Variants in KHDRBS2 observed in about 807,000 individuals in gnomAD.
The protein encoded by KHDRBS2 is KH domain-containing, RNA-binding, signal transduction-associated protein 2.
A neutral mutation model predicts 44.3 loss-of-function variants in KHDRBS2; 26 were observed. That is an observed-to-expected ratio of 0.59 (90% confidence interval 0.43 to 0.81). KHDRBS2 has a LOEUF of 0.81. Ranked by LOEUF, KHDRBS2 falls within the 40% of genes least tolerant of loss-of-function variation. The probability of loss-of-function intolerance (pLI) is 0.00; values close to 1 mark genes in which losing one functional copy is unlikely to be tolerated. For synonymous variants in KHDRBS2, 194 were observed against 151.1 expected, an observed-to-expected ratio of 1.28 and a Z score of -2.08; for missense variants, 476 against 433.1, an observed-to-expected ratio of 1.10 and a Z score of -0.88.
chr6:62,007,010 C>T (rs1206686973), intron 3 of KHDRBS2, among the ~76,000 whole-genome samples: 7 of 151,944 alleles, frequency 4.6e-5, no homozygotes, highest in Non-Finnish European at 7.4e-5. Context: ...AAAACTTGTA[C>T]GTATGTGTGT....
chr6:61,924,941 C>T (rs1808693683), intron 4 of KHDRBS2, among the ~76,000 whole-genome samples: 2 of 152,002 alleles, frequency 1.3e-5, no homozygotes, highest in African/African-American at 2.4e-5. Flanking sequence ...GTAGGGTGGT[C>T]GGACATTCAT....
At chr6:61,794,901 C>T (rs868006072) in intron 6 of KHDRBS2, among the ~76,000 whole-genome samples, 20 of 151,948 alleles carry the variant, frequency 1.3e-4, no homozygotes, top group South Asian at 1.2e-3. Context: ...CACTTTGGAA[C>T]GCCAAGGCAG....
intron 2 of KHDRBS2, among the ~76,000 whole-genome samples, chr6:62,141,270 G>A (rs967554160): frequency 2.6e-5 from 4 of 152,082 alleles, no homozygotes; most frequent in African/African-American, 9.7e-5. Flanking sequence ...TGCTTTCTTC[G>A]TACAATGGGG....
At chr6:62,120,268 A>C (rs1199188209) in intron 2 of KHDRBS2, among the ~76,000 whole-genome samples, 2 of 152,168 alleles carry the variant, frequency 1.3e-5, no homozygotes, top group Non-Finnish European at 2.9e-5. Context: ...AGGCTTAGGA[A>C]CATAGGGATG....
At chr6:62,062,291 A>G (rs1353662692) in intron 2 of KHDRBS2, among the ~76,000 whole-genome samples, 1 of 147,826 alleles carries the variant, frequency 6.8e-6, no homozygotes, top group African/African-American at 2.5e-5. Context: ...ATAGACGTCT[A>G]CAGAACTTTC....
At chr6:62,257,062 C>G (rs1837507109) in intron 1 of KHDRBS2, among the ~76,000 whole-genome samples, 1 of 152,024 alleles carries the variant, frequency 6.6e-6, no homozygotes, top group Non-Finnish European at 1.5e-5. Flanking sequence ...AATGTAATTT[C>G]CATTTCACAA....
At chr6:62,082,790 A>T (rs1797652344) in intron 2 of KHDRBS2, among the ~76,000 whole-genome samples, 1 of 152,138 alleles carries the variant, frequency 6.6e-6, no homozygotes, top group Admixed American at 6.6e-5. Context: ...AATGAAGAAA[A>T]GCTTTCACGC....
chr6:61,915,179 C>G (rs907502009), intron 4 of KHDRBS2, among the ~76,000 whole-genome samples: 40 of 151,948 alleles, frequency 2.6e-4, no homozygotes, highest in Non-Finnish European at 4.7e-4. Context: ...GGAAGGATCA[C>G]TCTTAGGAAT....
the KHDRBS2 span, among the ~76,000 whole-genome samples, chr6:61,623,187 C>T: frequency 6.6e-6 from 1 of 152,128 alleles, no homozygotes; most frequent in Admixed American, 6.5e-5. Context: ...TGATCCCTTG[C>T]TCAGTTCCTG....
chr6:61,826,928 C>T (rs991226508), intron 6 of KHDRBS2, among the ~76,000 whole-genome samples: 61 of 152,082 alleles, frequency 4.0e-4, no homozygotes, highest in African/African-American at 1.4e-3. Flanking sequence ...CTAGAAGATG[C>T]CAAGGCCTGT....
intron 6 of KHDRBS2, among the ~76,000 whole-genome samples, chr6:61,849,323 G>A (rs982525698): frequency 1.3e-5 from 2 of 152,022 alleles, no homozygotes; most frequent in African/African-American, 4.8e-5. Context: ...ATTTGTCTGA[G>A]AGTAATGATT....
intron 6 of KHDRBS2, among the ~76,000 whole-genome samples, chr6:61,779,529 C>T (rs543226697): frequency 1.8e-3 from 269 of 152,072 alleles, no homozygotes; most frequent in African/African-American, 6.0e-3. Flanking sequence ...ATATACTTTC[C>T]TTAAATGGAT....
At chr6:61,609,890 C>G in the KHDRBS2 span, among the ~76,000 whole-genome samples, 1 of 152,078 alleles carries the variant, frequency 6.6e-6, no homozygotes, top group South Asian at 2.1e-4. Context: ...ATTTTGAAAA[C>G]AGGCTGGGTG....
intron 7 of KHDRBS2, among the ~76,000 whole-genome samples, chr6:61,708,056 A>AT (rs1017135424): frequency 6.6e-6 from 1 of 151,578 alleles, no homozygotes; most frequent in Non-Finnish European, 1.5e-5. Flanking sequence ...TTCATTCAAG[A>AT]TTTTTTCCAT....
chr6:61,774,088 G>C (rs1163043358), intron 6 of KHDRBS2, among the ~76,000 whole-genome samples: 1 of 152,258 alleles, frequency 6.6e-6, no homozygotes, highest in Non-Finnish European at 1.5e-5. Context: ...GATGCCTCCA[G>C]CTTTGTTCTT....
In KHDRBS2 at chr6:61,910,330, T is replaced by A. The variant is rs544531971; in HGVS notation, c.484-8959A>T. Among the ~76,000 whole-genome samples, 239 of 152,316 alleles carry A rather than the reference T, an allele frequency of 1.6e-3. 7 individuals are homozygous for A. In the South Asian group the frequency reaches 0.046, roughly 29 times the overall value. On this transcript the variant is annotated intron_variant, in intron 4 of 8. Transcript: ENST00000281156. The stretch of plus-strand genomic sequence containing the variant: ...TTATTAAAATGTAGTCAAAGAGCAG[T>A]CAATTAAGATTTATTAAGCATCTGC...
Position 61,767,168 on chromosome 6 carries a change from T to C in KHDRBS2, c.811-34404A>G, listed in dbSNP as rs148831300. Among the ~76,000 whole-genome samples the C allele has an allele frequency of 3.5e-4, 53 of 152,202 alleles. No individual in the cohort carries two copies. The East Asian group carries it at 0.01, about 29-fold the overall frequency. On this transcript the variant is annotated intron_variant, in intron 6 of 8. Transcript: ENST00000281156. ...GGTACATATATATTTATAATTGTTA[T>C]ATACTATTGATGAGTTGACCACTTT...
chr6:61,633,801 C>G, the KHDRBS2 span, among the ~76,000 whole-genome samples: 3,714 of 100,078 alleles, frequency 0.037, 70 homozygotes, highest in Middle Eastern at 0.12. Context: ...ATTGAGATAC[C>G]TTTATATTAC....
At chr6:61,951,830 G>C (rs1516717) in intron 4 of KHDRBS2, among the ~76,000 whole-genome samples, 51,970 of 151,738 alleles carry the variant, frequency 0.34, 9,063 homozygotes, top group East Asian at 0.4. Flanking sequence ...TCATTCTCTT[G>C]TTGAGATTTT....
Sources: allele counts gnomAD v4.1 joint callset (sites outside exome capture counted in the v4.1 genomes callset), GRCh38; gene constraint gnomAD v4.1.1; transcripts MANE v1.5; gene names NCBI Gene and HGNC (gene_info 2026-07-23, HGNC 2026-07-21).